BCL2L13: variants seen among roughly 807,000 people sequenced by gnomAD.
The protein encoded by BCL2L13 is BCL2 like 13.
In BCL2L13, 13 loss-of-function variants were observed where a neutral mutation model predicts 25.8. That is an observed-to-expected ratio of 0.50 (90% CI 0.33 to 0.80). BCL2L13 has a LOEUF of 0.80. Among genes scored for constraint, BCL2L13 ranks in the 30% least tolerant of loss-of-function variants. BCL2L13 has a pLI of 0.02. For missense variants in BCL2L13, 504 were observed against 574.9 expected (o/e 0.88, Z 1.26); for synonymous variants, 244 against 230.3 (o/e 1.06, Z -0.54).
chr22:17,712,336 A>T (rs1182764771), intron 6 of BCL2L13, among the ~76,000 whole-genome samples: 2 of 152,240 alleles, frequency 1.3e-5, no homozygotes, highest in African/African-American at 4.8e-5. Flanking sequence ...TGTTAGTGAC[A>T]TTACATTACA....
At chr22:17,651,504 C>T (rs941427119) in intron 1 of BCL2L13, among the ~76,000 whole-genome samples, 1 of 149,878 alleles carries the variant, frequency 6.7e-6, no homozygotes, top group African/African-American at 2.5e-5. Context: ...GCCTCCGCCT[C>T]CCGAGTAGCT....
intron 2 of BCL2L13, among the ~76,000 whole-genome samples, chr22:17,670,952 A>G (rs1435183785): frequency 1.3e-5 from 2 of 152,088 alleles, no homozygotes; most frequent in Admixed American, 6.6e-5. Flanking sequence ...GGCTGTCTGG[A>G]ATTTGGTTGT....
intron 2 of BCL2L13, among the ~76,000 whole-genome samples, chr22:17,664,279 C>G (rs2059165619): frequency 6.6e-6 from 1 of 152,214 alleles, no homozygotes; most frequent in African/African-American, 2.4e-5. Context: ...GCCACCGTGC[C>G]CAGCTGGCAG....
chr22:17,659,082 A>C (rs2058985194), intron 2 of BCL2L13, among the ~76,000 whole-genome samples: 1 of 99,454 alleles, frequency 1.0e-5, no homozygotes, highest in Non-Finnish European at 2.2e-5. Flanking sequence ...AAAAAAAAAA[A>C]AGGCCAGGCA....
intron 4 of BCL2L13, among the ~76,000 whole-genome samples, chr22:17,695,069 T>G (rs2060223419): frequency 6.8e-6 from 1 of 147,220 alleles, no homozygotes; most frequent in South Asian, 2.1e-4. Flanking sequence ...ACTTGGAACT[T>G]ATGGTTCCAG....
chr22:17,686,344 G>A (rs749964329), intron 3 of BCL2L13, among the ~76,000 whole-genome samples: 50 of 151,758 alleles, frequency 3.3e-4, no homozygotes, highest in Admixed American at 7.9e-4. Context: ...CAGCTACCTC[G>A]GAGGCTAAGG....
chr22:17,666,488 C>T (rs1161794080), intron 2 of BCL2L13, among the ~76,000 whole-genome samples: 4 of 151,948 alleles, frequency 2.6e-5, no homozygotes, highest in African/African-American at 9.7e-5. Flanking sequence ...CTGCTGTCCC[C>T]AGACCCCCAT....
chr22:17,639,267 G>T (rs1019710621), intron 1 of BCL2L13, among the ~76,000 whole-genome samples: 1 of 152,332 alleles, frequency 6.6e-6, no homozygotes, highest in African/African-American at 2.4e-5. Context: ...TGAGGGAAAG[G>T]TTTTCCTGCG....
chr22:17,689,250 T>C (rs1346954721), intron 4 of BCL2L13, 108 bp downstream of exon 4: 2 of 912,704 alleles, frequency 2.2e-6, no homozygotes, highest in Non-Finnish European at 3.1e-6. Flanking sequence ...GTCACTTCTT[T>C]TCTCACTTTT....
chr22:17,676,177 T>A (rs1161025485), intron 2 of BCL2L13, among the ~76,000 whole-genome samples: 5 of 152,140 alleles, frequency 3.3e-5, no homozygotes, highest in African/African-American at 1.2e-4. Context: ...CCATTTTATA[T>A]AAGAGGAGAG....
chr22:17,666,688 T>TC lies in BCL2L13; in HGVS notation c.121+10856_121+10857insC, dbSNP rs1223759152. Among the ~76,000 whole-genome samples the TC allele has an allele frequency of 4.0e-5, 6 of 150,978 alleles. No homozygotes were observed. In the East Asian group the frequency reaches 1.2e-3, roughly 29 times the overall value. On this transcript the variant is annotated intron_variant, in intron 2 of 6. Transcript: ENST00000317582. Reference sequence around the variant, plus strand: ...TGACAGGACCTCATTCTTTTTTTTTTTTTTTTTTTTTAAGACAGGGTCTTG... The same window carrying TC: ...TGACAGGACCTCATTCTTTTTTTTTTCTTTTTTTTTTTAAGACAGGGTCTTG...
At chr22:17,724,783 T>C (rs2061248492) in intron 6 of BCL2L13, among the ~76,000 whole-genome samples, 1 of 152,260 alleles carries the variant, frequency 6.6e-6, no homozygotes. Flanking sequence ...GAGTGTTGTC[T>C]AGCCTTTGTA....
upstream of BCL2L13, among the ~76,000 whole-genome samples, chr22:17,637,732 C>T (rs1297781653): frequency 6.6e-6 from 1 of 152,048 alleles, no homozygotes; most frequent in African/African-American, 2.4e-5. Context: ...ACTTTATGTC[C>T]CTATTAATGG....
rs748233453 is a variant in BCL2L13 at position 17,638,800 on chromosome 22, G to C, written c.-137G>C. 1 of 1,231,840 alleles carries C rather than the reference G, an allele frequency of 8.1e-7. No homozygotes were observed. The highest frequency in any genetic ancestry group is 4.2e-5 in the Admixed American group (1 of 23,706). The allele number at this position is 1,231,840 out of a possible 1,614,324, so 76.3% of individuals were successfully genotyped here. Reference sequence around the variant, plus strand: ...GGCGGTAGATTAGGGCCGCGGGTCGGAGCACTCACCGCCGCTGGGGGACCC... The same window carrying C: ...GGCGGTAGATTAGGGCCGCGGGTCGCAGCACTCACCGCCGCTGGGGGACCC... On this transcript the variant is annotated 5_prime_UTR_variant, in exon 1 of 7. Transcript: ENST00000317582.
chr22:17,718,852 A>C (rs1413034972), intron 6 of BCL2L13, among the ~76,000 whole-genome samples: 1 of 152,188 alleles, frequency 6.6e-6, no homozygotes, highest in Non-Finnish European at 1.5e-5. Flanking sequence ...ATTTTGTAGC[A>C]GTCTTATTTA....
intron 6 of BCL2L13, among the ~76,000 whole-genome samples, chr22:17,724,899 T>C (rs1601808063): frequency 6.6e-6 from 1 of 152,298 alleles, no homozygotes; most frequent in Middle Eastern, 3.4e-3. Context: ...TGCATACACC[T>C]GTCATAAAGC....
chr22:17,648,798 CATT>C (rs1279153299), intron 1 of BCL2L13, among the ~76,000 whole-genome samples: 1 of 152,088 alleles, frequency 6.6e-6, no homozygotes, highest in Non-Finnish European at 1.5e-5. Flanking sequence ...ATTTGAGGAA[CATT>C]AGGCTAAAAA....
intron 4 of BCL2L13, among the ~76,000 whole-genome samples, chr22:17,693,187 A>G (rs888017515): frequency 2.6e-5 from 4 of 151,526 alleles, no homozygotes; most frequent in African/African-American, 9.7e-5. Flanking sequence ...ATATAATAAT[A>G]TGTAATATAA....
intron 1 of BCL2L13, among the ~76,000 whole-genome samples, chr22:17,643,730 C>CCTGATTCT: frequency 6.6e-6 from 1 of 151,676 alleles, no homozygotes; most frequent in South Asian, 2.1e-4. Context: ...TGGGTTCATG[C>CCTGATTCT]CAGGAGGTGT....
Sources: allele counts gnomAD v4.1 joint callset (sites outside exome capture counted in the v4.1 genomes callset), GRCh38; gene constraint gnomAD v4.1.1; transcripts MANE v1.5; gene names NCBI Gene and HGNC (gene_info 2026-07-23, HGNC 2026-07-21).